TRPM3: variants seen among roughly 807,000 people sequenced by gnomAD.
The protein encoded by TRPM3 is transient receptor potential cation channel subfamily M member 3.
A neutral mutation model predicts 181.2 loss-of-function variants in TRPM3; 77 were observed. That is an observed-to-expected ratio of 0.42 (90% CI 0.35 to 0.51). The LOEUF (loss-of-function observed/expected upper bound fraction) is 0.51. Among genes scored for constraint, TRPM3 ranks in the 20% least tolerant of loss-of-function variants. The probability of loss-of-function intolerance (pLI) is 0.01; values close to 1 mark genes in which losing one functional copy is unlikely to be tolerated. For missense variants in TRPM3, 1,759 were observed against 2,196.7 expected (o/e 0.80, Z 3.98); for synonymous variants, 745 against 796.4 (o/e 0.94, Z 1.09).
intron 1 of TRPM3, among the ~76,000 whole-genome samples, chr9:71,420,057 A>G (rs1056646883): frequency 6.6e-6 from 1 of 152,152 alleles, no homozygotes; most frequent in African/African-American, 2.4e-5. Context: ...GTTTTCTGTT[A>G]TACCTCATTT....
intron 1 of TRPM3, among the ~76,000 whole-genome samples, chr9:71,329,775 G>C (rs2089980989): frequency 6.6e-6 from 1 of 152,078 alleles, no homozygotes; most frequent in South Asian, 2.1e-4. Flanking sequence ...CCTAGGATTT[G>C]GGGGTATTGT....
intron 1 of TRPM3, among the ~76,000 whole-genome samples, chr9:71,242,210 G>A (rs1352171038): frequency 6.6e-6 from 1 of 152,170 alleles, no homozygotes; most frequent in East Asian, 1.9e-4. Flanking sequence ...CGGACAAGAA[G>A]CCGCAATTAA....
At chr9:71,021,615 A>C (rs2097848146) in intron 1 of TRPM3, among the ~76,000 whole-genome samples, 1 of 152,230 alleles carries the variant, frequency 6.6e-6, no homozygotes, top group Non-Finnish European at 1.5e-5. Flanking sequence ...TAAATAAACA[A>C]GACAATTATC....
At chr9:71,388,021 AG>A (rs762518121) in intron 1 of TRPM3, among the ~76,000 whole-genome samples, 1 of 152,170 alleles carries the variant, frequency 6.6e-6, no homozygotes, top group East Asian at 1.9e-4. Context: ...AAGAAGATGA[AG>A]GGTTCTTTTC....
At chr9:70,906,001 T>C (rs990418140) in intron 1 of TRPM3, among the ~76,000 whole-genome samples, 1 of 152,164 alleles carries the variant, frequency 6.6e-6, no homozygotes, top group Non-Finnish European at 1.5e-5. Context: ...AGATTACAGG[T>C]GGGAGCCACC....
intron 1 of TRPM3, among the ~76,000 whole-genome samples, chr9:70,950,304 T>C (rs1165624349): frequency 1.3e-5 from 2 of 152,208 alleles, no homozygotes; most frequent in Non-Finnish European, 2.9e-5. Context: ...GAAATCTCTA[T>C]TGGCTTTTAA....
chr9:70,606,360 C>T (rs1284441861), intron 19 of TRPM3, among the ~76,000 whole-genome samples: 1 of 151,972 alleles, frequency 6.6e-6, no homozygotes, highest in Non-Finnish European at 1.5e-5. Flanking sequence ...TTAAATTGCC[C>T]TCATTATTGG....
At chr9:71,361,163 T>C (rs1303844947) in intron 1 of TRPM3, among the ~76,000 whole-genome samples, 1 of 152,082 alleles carries the variant, frequency 6.6e-6, no homozygotes, top group Admixed American at 6.5e-5. Flanking sequence ...ATTTTTGTAT[T>C]GTTAGTAGAA....
At chr9:70,681,428 C>A in intron 9 of TRPM3, 78 bp downstream of exon 9, 1 of 1,200,486 alleles carries the variant, frequency 8.3e-7, no homozygotes. Flanking sequence ...GGGATTATAT[C>A]TATTATTAGG....
chr9:70,825,699 C>T (rs1304345383), intron 6 of TRPM3: 2 of 152,322 alleles, frequency 1.3e-5, no homozygotes, highest in African/African-American at 4.8e-5. Flanking sequence ...GGCCAGGCCA[C>T]TGTCCATGAG....
At chr9:71,212,749 A>G (rs536746069) in intron 1 of TRPM3, among the ~76,000 whole-genome samples, 2 of 152,230 alleles carry the variant, frequency 1.3e-5, no homozygotes, top group Non-Finnish European at 2.9e-5. Context: ...TTCTTAAAGA[A>G]AAAGGGCTGA....
chr9:71,185,284 T>C (rs1269142088), intron 1 of TRPM3, among the ~76,000 whole-genome samples: 4 of 152,142 alleles, frequency 2.6e-5, no homozygotes, highest in Non-Finnish European at 5.9e-5. Flanking sequence ...ACCACAGCTA[T>C]TCATTTCCAC....
At chr9:71,301,122 C>T (rs1314477608) in intron 1 of TRPM3, among the ~76,000 whole-genome samples, 4 of 152,122 alleles carry the variant, frequency 2.6e-5, no homozygotes, top group Admixed American at 6.6e-5. Flanking sequence ...TACCTGCCCT[C>T]AGGGAACTGT....
At chr9:70,541,739 G>A (rs1047954365) in intron 25 of TRPM3, among the ~76,000 whole-genome samples, 6 of 152,116 alleles carry the variant, frequency 3.9e-5, no homozygotes, top group Admixed American at 2.0e-4. Flanking sequence ...TTGAACTCCC[G>A]ACCTCAGGTG....
At chr9:71,422,011 A>C (rs768076210) in intron 1 of TRPM3, among the ~76,000 whole-genome samples, 2 of 151,910 alleles carry the variant, frequency 1.3e-5, no homozygotes, top group African/African-American at 2.4e-5. Context: ...GATGCTACAT[A>C]AGTCAGAGTT....
At chr9:70,675,491 A>C (rs1011418733) in intron 9 of TRPM3, among the ~76,000 whole-genome samples, 2 of 152,220 alleles carry the variant, frequency 1.3e-5, no homozygotes, top group Non-Finnish European at 2.9e-5. Flanking sequence ...TAAGTAGTTG[A>C]TTAATTATTG....
intron 1 of TRPM3, among the ~76,000 whole-genome samples, chr9:71,335,616 C>T (rs2090498042): frequency 6.6e-6 from 1 of 151,972 alleles, no homozygotes; most frequent in Admixed American, 6.6e-5. Context: ...TCAAAACTTA[C>T]CCTAATGTTT....
intron 1 of TRPM3, among the ~76,000 whole-genome samples, chr9:71,058,649 G>A (rs2060945162): frequency 6.6e-6 from 1 of 152,012 alleles, no homozygotes; most frequent in African/African-American, 2.4e-5. Context: ...TAAATAACCT[G>A]TAATAGACAT....
intron 1 of TRPM3, among the ~76,000 whole-genome samples, chr9:71,200,655 G>A (rs2131725744): frequency 6.6e-6 from 1 of 152,240 alleles, no homozygotes; most frequent in Admixed American, 6.5e-5. Context: ...TTTGATCTTT[G>A]TTGGTTTAAA....
Sources: gnomAD v4.1 joint callset for allele counts (sites outside exome capture counted in the v4.1 genomes callset) on GRCh38, gnomAD v4.1.1 for gene constraint, MANE v1.5 for transcripts, NCBI Gene and HGNC (gene_info 2026-07-23, HGNC 2026-07-21) for gene names.